Variants in PODXL2 observed in about 807,000 individuals in gnomAD.
The protein encoded by PODXL2 is podocalyxin-like protein 2.
Under a neutral mutation model 53.4 loss-of-function variants are expected in PODXL2, and 17 were observed. The ratio of observed to expected loss-of-function variants is 0.32; its 90% CI spans 0.22 to 0.48. PODXL2 has a LOEUF of 0.48. Ranked by LOEUF, PODXL2 falls within the 20% of genes least tolerant of loss-of-function variation. The probability of loss-of-function intolerance (pLI) is 0.99; values close to 1 mark genes in which losing one functional copy is unlikely to be tolerated. For synonymous variants in PODXL2, 311 were observed against 306.7 expected (o/e 1.01, Z -0.15); for missense variants, 673 against 760.0 (o/e 0.89, Z 1.35).
intron 2 of PODXL2, among the ~76,000 whole-genome samples, chr3:127,654,134 C>T (rs1195128368): frequency 6.6e-6 from 1 of 152,290 alleles, no homozygotes; most frequent in African/African-American, 2.4e-5. Context: ...ATTTAGTCCG[C>T]ATGTCTCTTT....
rs1366312499 is a variant in PODXL2, at chr3:127,639,364, C to T, written c.190C>T (p.Pro64Ser). The T allele has an allele frequency of 3.7e-6, 6 of 1,614,068 alleles. No individual in the cohort carries two copies. Among genetic ancestry groups the T allele is most frequent in the Non-Finnish European group, 4.2e-6 (5 of 1,180,008 alleles). The change falls in exon 2 of 8, where the codon CCT becomes TCT. Residue 64 changes from proline (P) to serine (S), a missense_variant. By Grantham distance (74) the Pro-to-Ser change is moderately conservative (BLOSUM62 -1). Around this residue, in one of 3 missense-constraint regions of PODXL2, gnomAD observed 588 missense variants for 668.3 expected, o/e 0.88. Coordinates refer to ENST00000342480, the MANE Select transcript of PODXL2 (RefSeq NM_015720.4). ...TGLEPLDSEE[P>S]SETMGLGAGL... ...CTTGGAGCCACTGGACTCAGAGGAGCCTAGTGAGACCATGGGCCTGGGAGC... is the reference window on the plus strand; with the variant it reads ...CTTGGAGCCACTGGACTCAGAGGAGTCTAGTGAGACCATGGGCCTGGGAGC...
chr3:127,667,550 G>A (rs2074800734), intron 4 of PODXL2, among the ~76,000 whole-genome samples: 1 of 152,226 alleles, frequency 6.6e-6, no homozygotes. Context: ...TCCTAGATGG[G>A]GCTGGGCAGG....
intron 4 of PODXL2, among the ~76,000 whole-genome samples, chr3:127,666,529 T>A (rs1464518230): frequency 6.6e-6 from 1 of 152,184 alleles, no homozygotes; most frequent in East Asian, 1.9e-4. Flanking sequence ...CACCTCAGCC[T>A]CCCAAGGAGC....
rs183675267 is a variant in PODXL2 at position 127,667,930 on chromosome 3, C to T, written c.1207-511C>T. On this transcript the variant is annotated intron_variant, in intron 4 of 7. Coordinates refer to ENST00000342480, the MANE Select transcript of PODXL2 (RefSeq NM_015720.4). ...GCGTTCTGCCACTTCTGGCCCTCCC[C>T]GATTTTTGGTAGTTACATGGTGCAC... is the stretch of plus-strand genomic sequence containing the variant. 7.0e-4 allele frequency among the ~76,000 whole-genome samples: 107 copies of T among 152,314 alleles called. No homozygotes were observed. The Middle Eastern group carries it at 0.01, about 15-fold the overall frequency.
At chr3:127,659,146 C>T (rs2074745595) in intron 2 of PODXL2, among the ~76,000 whole-genome samples, 1 of 152,240 alleles carries the variant, frequency 6.6e-6, no homozygotes, top group East Asian at 1.9e-4. Flanking sequence ...TGTAATCTTT[C>T]TGAGGATACT....
intron 2 of PODXL2, among the ~76,000 whole-genome samples, chr3:127,648,468 C>A (rs2074668763): frequency 6.6e-6 from 1 of 152,094 alleles, no homozygotes; most frequent in Non-Finnish European, 1.5e-5. Context: ...TACTTAGACA[C>A]CAAAACAAAA....
rs756335983 is a variant in PODXL2 at position 127,671,497 on chromosome 3, G to A, written c.1489G>A (p.Asp497Asn). ...GGCGCGGGCCAGCCAGGTGCGCAGC[G>A]ACTACGGCACGCTCTTCGTGGTGCT... ...CQARASQVRS[D>N]YGTLFVVLVV... is the part of the protein sequence containing the mutation. Residue 497 changes from aspartate (D) to asparagine (N), a missense_variant, in exon 7 of 8, where the codon GAC becomes AAC. Transcript: ENST00000342480. 25 of 1,614,008 alleles carry A rather than the reference G, an allele frequency of 1.5e-5. No individual in the cohort carries two copies. The South Asian group carries it at 2.1e-4, about 13-fold the overall frequency.
At chr3:127,659,823 A>G (rs1476719424) in intron 2 of PODXL2, among the ~76,000 whole-genome samples, 1 of 152,212 alleles carries the variant, frequency 6.6e-6, no homozygotes, top group African/African-American at 2.4e-5. Context: ...CTCTCCCTAC[A>G]TCTTTTTCAT....
intron 7 of PODXL2, among the ~76,000 whole-genome samples, 200 bp downstream of exon 7, chr3:127,671,813 G>A (rs2074844150): frequency 6.6e-6 from 1 of 152,190 alleles, no homozygotes. Flanking sequence ...GGGAGTGAGG[G>A]GGCTGCTAGC....
At chr3:127,651,556 A>G (rs1375400942) in intron 2 of PODXL2, among the ~76,000 whole-genome samples, 2 of 152,180 alleles carry the variant, frequency 1.3e-5, no homozygotes, top group African/African-American at 4.8e-5. Flanking sequence ...ATGCCTCTCT[A>G]AAGAGACCCA....
At chr3:127,630,439 T>C (rs1024063736) in intron 1 of PODXL2, among the ~76,000 whole-genome samples, 5 of 152,192 alleles carry the variant, frequency 3.3e-5, no homozygotes, top group African/African-American at 1.2e-4. Flanking sequence ...AGTGTGTATG[T>C]GCATGTAGGA....
At chr3:127,633,846 T>A (rs536924217) in intron 1 of PODXL2, among the ~76,000 whole-genome samples, 201 of 151,836 alleles carry the variant, frequency 1.3e-3, no homozygotes, top group African/African-American at 4.5e-3. Flanking sequence ...TCTCGGAAGC[T>A]GAGACTGCAG....
At chr3:127,635,440 G>T (rs1275667752) in intron 1 of PODXL2, among the ~76,000 whole-genome samples, 1 of 152,194 alleles carries the variant, frequency 6.6e-6, no homozygotes, top group African/African-American at 2.4e-5. Context: ...AGGCTTTTTG[G>T]TTGAAGAATG....
At chr3:127,654,187 C>T (rs1363767016) in intron 2 of PODXL2, among the ~76,000 whole-genome samples, 2 of 152,184 alleles carry the variant, frequency 1.3e-5, no homozygotes, top group Non-Finnish European at 2.9e-5. Flanking sequence ...CTTTCTTTGT[C>T]TTTCATGACC....
chr3:127,633,629 T>C (rs1036586583), intron 1 of PODXL2, among the ~76,000 whole-genome samples: 1 of 152,160 alleles, frequency 6.6e-6, no homozygotes, highest in African/African-American at 2.4e-5. Context: ...TTCAAACCTT[T>C]ATTGTGTCCC....
chr3:127,661,579 G>C (rs1378832593), intron 3 of PODXL2, among the ~76,000 whole-genome samples: 1 of 152,108 alleles, frequency 6.6e-6, no homozygotes, highest in East Asian at 1.9e-4. Context: ...TGGGATTACA[G>C]GCATGTGCCA....
intron 7 of PODXL2, among the ~76,000 whole-genome samples, chr3:127,672,060 G>A (rs542152045): frequency 6.6e-6 from 1 of 152,366 alleles, no homozygotes; most frequent in Non-Finnish European, 1.5e-5. Context: ...GATCGATGAC[G>A]TCAGGGAGGC....
rs202001174 is a variant in PODXL2 at position 127,640,716 on chromosome 3, T to A, written c.349+1193T>A. On this transcript the variant is annotated intron_variant, in intron 2 of 7. Transcript: ENST00000342480. ...AACTCTATCTCAAAAAAAAATAAAA[T>A]AAAATAAAAAATAAAAACTACCTAT... Among the ~76,000 whole-genome samples the A allele has an allele frequency of 3.5e-4, 53 of 151,454 alleles. No homozygotes were observed. The East Asian group carries it at 9.5e-3, about 27-fold the overall frequency.
intron 2 of PODXL2, among the ~76,000 whole-genome samples, chr3:127,643,244 C>G (rs1002256122): frequency 3.9e-5 from 6 of 152,050 alleles, no homozygotes; most frequent in East Asian, 1.9e-4. Flanking sequence ...GAGTTTTGCT[C>G]TAGTCACCCA....
Sources: allele counts gnomAD v4.1 joint callset (sites outside exome capture counted in the v4.1 genomes callset), GRCh38; gene constraint gnomAD v4.1.1; regional missense constraint gnomAD v4.1.1; transcripts MANE v1.5; gene names NCBI Gene and HGNC (gene_info 2026-07-23, HGNC 2026-07-21).